AKR1A1: variants seen among roughly 807,000 people sequenced by gnomAD.
AKR1A1 encodes the protein aldo-keto reductase family 1 member A1.
A neutral mutation model predicts 39.2 loss-of-function variants in AKR1A1; 26 were observed. That is an observed-to-expected ratio of 0.66 (90% CI 0.49 to 0.92). The LOEUF is 0.92. Among genes scored for constraint, AKR1A1 ranks in the 40% least tolerant of loss-of-function variants. AKR1A1 has a pLI of 0.00. For missense variants in AKR1A1, 378 were observed against 406.5 expected (o/e 0.93, Z 0.60); for synonymous variants, 141 against 155.5 (o/e 0.91, Z 0.69).
At chr1:45,558,293 A>G (rs1461701232) in intron 1 of AKR1A1, among the ~76,000 whole-genome samples, 6 of 151,692 alleles carry the variant, frequency 4.0e-5, no homozygotes, top group African/African-American at 1.5e-4. Context: ...CAGTGGCACT[A>G]TATCAGCTCA....
At chr1:45,559,287 G>A (rs929981938) in intron 1 of AKR1A1, among the ~76,000 whole-genome samples, 2 of 152,158 alleles carry the variant, frequency 1.3e-5, no homozygotes, top group Non-Finnish European at 2.9e-5. Context: ...GACAAAACGA[G>A]TATTCTTGGG....
rs781608968 is a variant in AKR1A1, at chr1:45,561,886, A to G, written c.84+8A>G. ...AAGAGTGAGCCTGGTCAGGTGAGGG[A>G]TGGGGGAAGAAAAAAGAAACTTGTT... is the stretch of plus-strand genomic sequence containing the variant. On this transcript the variant is annotated splice_region_variant and intron_variant, in intron 2 of 8. Transcript: ENST00000351829. The G allele has an allele frequency of 2.5e-5, 41 of 1,613,620 alleles. No homozygotes were observed. Among genetic ancestry groups the G allele is most frequent in the Non-Finnish European group, 3.5e-5 (41 of 1,179,750 alleles).
chr1:45,563,781 C>A (rs1423373086), intron 2 of AKR1A1, among the ~76,000 whole-genome samples: 1 of 152,234 alleles, frequency 6.6e-6, no homozygotes, highest in Non-Finnish European at 1.5e-5. Context: ...AAGAGCAAAA[C>A]TGCGTCCCAA....
chr1:45,565,288 G>A (rs922191256), intron 2 of AKR1A1, among the ~76,000 whole-genome samples: 9 of 151,128 alleles, frequency 6.0e-5, no homozygotes, highest in Non-Finnish European at 1.2e-4. Flanking sequence ...GCACCACCAC[G>A]CCCAGCTAAT....
chr1:45,554,783 C>G (rs1172644196), intron 1 of AKR1A1, among the ~76,000 whole-genome samples: 1 of 152,152 alleles, frequency 6.6e-6, no homozygotes, highest in Admixed American at 6.6e-5. Context: ...CTCTGCCCCC[C>G]AGGCTCAAGG....
At chr1:45,559,400 TCTG>T in intron 1 of AKR1A1, among the ~76,000 whole-genome samples, 1 of 152,280 alleles carries the variant, frequency 6.6e-6, no homozygotes, top group Non-Finnish European at 1.5e-5. Flanking sequence ...TAGTTACTTT[TCTG>T]CTGCACTGAA....
chr1:45,558,395 ATTTTTTTT>A (rs35421063), intron 1 of AKR1A1, among the ~76,000 whole-genome samples: 7 of 119,102 alleles, frequency 5.9e-5, no homozygotes, highest in African/African-American at 2.3e-4. Context: ...CGCCCAGCTA[ATTTTTTTT>A]TTTTTTTTTT....
intron 2 of AKR1A1, among the ~76,000 whole-genome samples, chr1:45,565,766 C>G (rs1012125599): frequency 6.6e-6 from 1 of 151,806 alleles, no homozygotes; most frequent in Non-Finnish European, 1.5e-5. Flanking sequence ...TGAGCCACCA[C>G]GCCTGGCCTT....
chr1:45,559,155 A>G (rs1028968279), intron 1 of AKR1A1, among the ~76,000 whole-genome samples: 1 of 152,238 alleles, frequency 6.6e-6, no homozygotes, highest in East Asian at 1.9e-4. Context: ...CAAAGCTCTT[A>G]TCACAGTGTA....
rs141273363 is a variant in AKR1A1 at position 45,558,491 on chromosome 1, C to T, written c.-6-3298C>T. ...TCGGCTCACTGCAACCTCCACCTCCCGAGTTCAAGCGATTCCTCCTGTCTC... is the reference window on the plus strand; with the variant it reads ...TCGGCTCACTGCAACCTCCACCTCCTGAGTTCAAGCGATTCCTCCTGTCTC... On this transcript the variant is annotated intron_variant, in intron 1 of 8. Coordinates refer to ENST00000351829, the MANE Select transcript of AKR1A1 (RefSeq NM_153326.3). Among the ~76,000 whole-genome samples the T allele has an allele frequency of 4.0e-5, 6 of 151,666 alleles. No individual in the cohort carries two copies. In the South Asian group the frequency reaches 8.4e-4, roughly 21 times the overall value.
chr1:45,567,841 AG>A, intron 4 of AKR1A1, 140 bp from the exon 5 acceptor site: 1 of 800,138 alleles, frequency 1.2e-6, no homozygotes, highest in Non-Finnish European at 1.9e-6. Flanking sequence ...AAAAAAAAAA[AG>A]AAAAAGCATG....
At chr1:45,551,475 T>C (rs1183879472) in intron 1 of AKR1A1, among the ~76,000 whole-genome samples, 1 of 152,242 alleles carries the variant, frequency 6.6e-6, no homozygotes, top group Non-Finnish European at 1.5e-5. Context: ...TGCTCACCTA[T>C]GTGCTTTTTC....
intron 1 of AKR1A1, among the ~76,000 whole-genome samples, chr1:45,553,982 G>A (rs1644167947): frequency 6.6e-6 from 1 of 150,510 alleles, no homozygotes; most frequent in Non-Finnish European, 1.5e-5. Flanking sequence ...GTGACAGAGC[G>A]AGACTCCGTC....
At position 45,561,849 on chromosome 1, in the gene AKR1A1, C is replaced by G; in HGVS notation, c.55C>G (p.Leu19Val). Residue 19 changes from leucine to valine, a missense_variant, in exon 2 of 9, where the codon CTG becomes GTG. Transcript: ENST00000351829. ...HTGQKMPLIG[L>V]GTWKSEPGQV... Reference sequence around the variant, plus strand: ...TGGGCAGAAGATGCCTCTGATTGGTCTGGGTACCTGGAAGAGTGAGCCTGG... The same window carrying G: ...TGGGCAGAAGATGCCTCTGATTGGTGTGGGTACCTGGAAGAGTGAGCCTGG... The G allele has an allele frequency of 1.2e-6, 2 of 1,614,118 alleles. No homozygotes were observed. Among genetic ancestry groups the G allele is most frequent in the Non-Finnish European group, 8.5e-7 (1 of 1,180,018 alleles).
chr1:45,558,372 G>C (rs1291885035), intron 1 of AKR1A1, among the ~76,000 whole-genome samples: 1 of 151,206 alleles, frequency 6.6e-6, no homozygotes, highest in African/African-American at 2.4e-5. Context: ...GAGATTACAG[G>C]CATGTGCCAC....
chr1:45,567,084 A>C, intron 4 of AKR1A1, 64 bp downstream of exon 4: 1 of 1,573,732 alleles, frequency 6.4e-7, no homozygotes, highest in East Asian at 2.3e-5. Flanking sequence ...TTAGTAACTT[A>C]TTGTAAGTCA....
rs1205922549 is a variant in AKR1A1, at chr1:45,552,973, A to C, written c.-7+1818A>C. ...AACCCTCTCCGTACTAAAAATACAA[A>C]AAGTAGCTGGGTGTGGTGGCACACA... On this transcript the variant is annotated intron_variant, in intron 1 of 8. Coordinates refer to ENST00000351829, the MANE Select transcript of AKR1A1 (RefSeq NM_153326.3). Among the ~76,000 whole-genome samples, 14 of 152,176 alleles carry C rather than the reference A, an allele frequency of 9.2e-5. No homozygotes were observed. The East Asian group carries it at 2.5e-3, about 27-fold the overall frequency.
At chr1:45,562,776 C>G (rs1644294958) in intron 2 of AKR1A1, among the ~76,000 whole-genome samples, 1 of 151,814 alleles carries the variant, frequency 6.6e-6, no homozygotes, top group African/African-American at 2.4e-5. Context: ...TCCCAAAGTG[C>G]TGGGATTACA....
intron 1 of AKR1A1, among the ~76,000 whole-genome samples, chr1:45,556,879 A>G (rs1644212158): frequency 6.6e-6 from 1 of 151,554 alleles, no homozygotes; most frequent in African/African-American, 2.4e-5. Flanking sequence ...CTCCATCTCA[A>G]ACAAAATAAA....
Sources: gnomAD v4.1 joint callset for allele counts (sites outside exome capture counted in the v4.1 genomes callset) on GRCh38, gnomAD v4.1.1 for gene constraint, MANE v1.5 for transcripts, NCBI Gene and HGNC (gene_info 2026-07-23, HGNC 2026-07-21) for gene names.